ADGRL2: variants seen among roughly 807,000 people sequenced by gnomAD.
ADGRL2 encodes the protein adhesion G protein-coupled receptor L2.
A neutral mutation model predicts 157.4 loss-of-function variants in ADGRL2; 44 were observed. That is an observed-to-expected ratio of 0.28 (90% CI 0.22 to 0.36). The LOEUF is 0.36. Among genes scored for constraint, ADGRL2 ranks in the 10% least tolerant of loss-of-function variants. The pLI, the probability that ADGRL2 is intolerant of heterozygous loss-of-function variation, is 1.00. For missense variants in ADGRL2, 1,510 were observed against 1,768.9 expected (o/e 0.85, Z 2.63); for synonymous variants, 585 against 624.7 (o/e 0.94, Z 0.95).
intron 2 of ADGRL2, among the ~76,000 whole-genome samples, chr1:81,485,472 TA>T (rs1348848835): frequency 6.6e-6 from 1 of 152,168 alleles, no homozygotes; most frequent in African/African-American, 2.4e-5. Flanking sequence ...TAAAGCAGAA[TA>T]AAAATATGAA....
At chr1:81,329,931 TG>T (rs996356387) in intron 1 of ADGRL2, among the ~76,000 whole-genome samples, 3 of 152,204 alleles carry the variant, frequency 2.0e-5, no homozygotes, top group Non-Finnish European at 4.4e-5. Flanking sequence ...ACAGCTCTGC[TG>T]GTATAGATTT....
At chr1:81,689,254 C>T (rs1206934640) in intron 3 of ADGRL2, among the ~76,000 whole-genome samples, 6 of 152,166 alleles carry the variant, frequency 3.9e-5, no homozygotes, top group Non-Finnish European at 5.9e-5. Flanking sequence ...CCTAGGATAT[C>T]GTAAATCTTT....
intron 2 of ADGRL2, chr1:81,761,901 A>G (rs1571111558): frequency 6.6e-6 from 1 of 152,202 alleles, no homozygotes; most frequent in East Asian, 1.9e-4. Context: ...CACGAACAAG[A>G]AAAGGTGAAT....
intron 2 of ADGRL2, among the ~76,000 whole-genome samples, chr1:81,768,404 A>G (rs2086220909): frequency 6.6e-6 from 1 of 151,800 alleles, no homozygotes; most frequent in South Asian, 2.1e-4. Context: ...AATTTTCAAT[A>G]TTTGATTACC....
chr1:81,660,646 CCTTTTTCAAAGGGGA>C (rs1570761667), intron 3 of ADGRL2, among the ~76,000 whole-genome samples: 1 of 151,960 alleles, frequency 6.6e-6, no homozygotes, highest in Non-Finnish European at 1.5e-5. Flanking sequence ...TAGTGGTTTT[CCTTTTTCAAAGGGGA>C]CCTTTGAAAA....
intron 2 of ADGRL2, among the ~76,000 whole-genome samples, chr1:81,791,132 T>TC (rs1267713073): frequency 6.6e-6 from 1 of 150,768 alleles, no homozygotes; most frequent in African/African-American, 2.4e-5. Context: ...AAGAGGAAGT[T>TC]CTAAGTTCTA....
chr1:81,964,643 A>T (rs1359541004), intron 11 of ADGRL2, among the ~76,000 whole-genome samples: 3 of 152,120 alleles, frequency 2.0e-5, no homozygotes, highest in Non-Finnish European at 4.4e-5. Context: ...GATTAAAAAA[A>T]TTAGTATCCA....
intron 3 of ADGRL2, among the ~76,000 whole-genome samples, chr1:81,598,976 A>C (rs1186857831): frequency 6.6e-6 from 1 of 152,174 alleles, no homozygotes; most frequent in Non-Finnish European, 1.5e-5. Context: ...CCCTCTTGGG[A>C]GGGTGCTTAT....
chr1:81,505,580 G>A (rs1452217671), intron 2 of ADGRL2, among the ~76,000 whole-genome samples: 5 of 150,386 alleles, frequency 3.3e-5, no homozygotes, highest in African/African-American at 1.2e-4. Flanking sequence ...GTGCCCCCAC[G>A]AGTGGGGCCT....
chr1:81,633,824 A>G (rs903719961), intron 3 of ADGRL2, among the ~76,000 whole-genome samples: 1 of 152,078 alleles, frequency 6.6e-6, no homozygotes, highest in Non-Finnish European at 1.5e-5. Context: ...CTGCTACAAC[A>G]TTTATCTCTA....
intron 1 of ADGRL2, among the ~76,000 whole-genome samples, chr1:81,737,044 C>T (rs1474542036): frequency 6.6e-6 from 1 of 151,990 alleles, no homozygotes; most frequent in Non-Finnish European, 1.5e-5. Context: ...CCATGTTAGC[C>T]AGCATGGTCT....
intron 3 of ADGRL2, among the ~76,000 whole-genome samples, chr1:81,594,533 A>G (rs2081194855): frequency 6.6e-6 from 1 of 152,202 alleles, no homozygotes; most frequent in Admixed American, 6.5e-5. Flanking sequence ...ATTTTAGATT[A>G]TATTACAGAA....
At chr1:81,511,888 G>A (rs945988826) in intron 2 of ADGRL2, among the ~76,000 whole-genome samples, 7 of 152,082 alleles carry the variant, frequency 4.6e-5, no homozygotes, top group Admixed American at 3.9e-4. Flanking sequence ...AGTAAAGGGT[G>A]AGAAGTTGTA....
intron 2 of ADGRL2, among the ~76,000 whole-genome samples, chr1:81,453,892 T>C (rs143985178): frequency 1.3e-3 from 201 of 152,254 alleles, no homozygotes; most frequent in Non-Finnish European, 2.6e-4. Context: ...TGCAAAGACA[T>C]GCACCAGCTC....
At chr1:81,968,666 G>A (rs1353517184) in intron 14 of ADGRL2, among the ~76,000 whole-genome samples, 1 of 152,122 alleles carries the variant, frequency 6.6e-6, no homozygotes, top group African/African-American at 2.4e-5. Context: ...TTGTGATTAA[G>A]ACAATGACAG....
At chr1:81,356,213 TTTCTC>T (rs1663275772) in intron 1 of ADGRL2, among the ~76,000 whole-genome samples, 1 of 152,232 alleles carries the variant, frequency 6.6e-6, no homozygotes, top group Non-Finnish European at 1.5e-5. Context: ...GACATGGTGT[TTTCTC>T]TAACAGGAAT....
intron 2 of ADGRL2, among the ~76,000 whole-genome samples, chr1:81,525,593 C>T (rs1011614875): frequency 1.3e-5 from 2 of 152,218 alleles, no homozygotes; most frequent in Admixed American, 1.3e-4. Flanking sequence ...GCTGGGATTA[C>T]AGGCATGAGC....
At chr1:81,616,482 G>A (rs1016713331) in intron 3 of ADGRL2, among the ~76,000 whole-genome samples, 2 of 152,136 alleles carry the variant, frequency 1.3e-5, no homozygotes, top group African/African-American at 4.8e-5. Context: ...CTCAGTGAGT[G>A]TAGAATCTTT....
At chr1:81,321,412 A>G (rs1467722529) in intron 1 of ADGRL2, among the ~76,000 whole-genome samples, 1 of 152,178 alleles carries the variant, frequency 6.6e-6, no homozygotes, top group Non-Finnish European at 1.5e-5. Context: ...ATGGCTCAAC[A>G]TGTCTGAGCT....
Sources: allele counts gnomAD v4.1 joint callset (sites outside exome capture counted in the v4.1 genomes callset), GRCh38; gene constraint gnomAD v4.1.1; transcripts MANE v1.5; gene names NCBI Gene and HGNC (gene_info 2026-07-23, HGNC 2026-07-21).